The following STAU1 variants were observed in gnomAD, a reference collection of about 807,000 sequenced individuals.
STAU1 encodes the protein staufen double-stranded RNA binding protein 1, also known as double-stranded RNA-binding protein Staufen homolog 1.
A neutral mutation model predicts 62.9 loss-of-function variants in STAU1; 13 were observed. The observed-to-expected ratio is 0.21, with a 90% confidence interval of 0.13 to 0.33. The LOEUF (loss-of-function observed/expected upper bound fraction) is 0.33, where lower values mean the gene tolerates loss of function less well. STAU1 is among the 10% of genes least tolerant of loss of function. The probability of loss-of-function intolerance (pLI) is 1.00; values close to 1 mark genes in which losing one functional copy is unlikely to be tolerated. For missense variants in STAU1, 571 were observed against 712.1 expected (o/e 0.80, Z 2.25); for synonymous variants, 269 against 265.1 (o/e 1.01, Z -0.14).
At chr20:49,193,531 C>T in the STAU1 span, among the ~76,000 whole-genome samples, 1 of 151,992 alleles carries the variant, frequency 6.6e-6, no homozygotes, top group Non-Finnish European at 1.5e-5. Flanking sequence ...AGTAGCTGGG[C>T]GTGATGGTGC....
intron 2 of STAU1, among the ~76,000 whole-genome samples, chr20:49,173,571 G>C (rs1176929317): frequency 6.6e-6 from 1 of 152,016 alleles, no homozygotes; most frequent in African/African-American, 2.4e-5. Context: ...CTCAAAGTAG[G>C]TTAACTTGTC....
intron 3 of STAU1, among the ~76,000 whole-genome samples, chr20:49,164,434 G>A (rs2146371598): frequency 6.6e-6 from 1 of 151,334 alleles, no homozygotes; most frequent in South Asian, 2.1e-4. Context: ...TGGAGTAGCT[G>A]GGACCACAGC....
chr20:49,159,500 C>CA (rs888875735), intron 3 of STAU1, among the ~76,000 whole-genome samples: 4 of 152,000 alleles, frequency 2.6e-5, no homozygotes, highest in African/African-American at 7.2e-5. Flanking sequence ...TTAAGGTCTG[C>CA]AAAAAAATCC....
intron 5 of STAU1, among the ~76,000 whole-genome samples, chr20:49,145,471 G>A (rs1446714833): frequency 1.5e-5 from 2 of 133,752 alleles, no homozygotes; most frequent in Non-Finnish European, 3.1e-5. Flanking sequence ...GGTGGCTCAC[G>A]TCTGTAATCC....
intron 5 of STAU1, among the ~76,000 whole-genome samples, chr20:49,136,230 G>T (rs1237663082): frequency 6.6e-6 from 1 of 152,200 alleles, no homozygotes; most frequent in Non-Finnish European, 1.5e-5. Context: ...GAGCCCAGGA[G>T]ATCGAGGCTG....
At chr20:49,182,864 G>T (rs1024409714) in intron 1 of STAU1, among the ~76,000 whole-genome samples, 1 of 151,254 alleles carries the variant, frequency 6.6e-6, no homozygotes, top group Non-Finnish European at 1.5e-5. Flanking sequence ...AATAGTAGAC[G>T]GTGTTCAGCA....
chr20:49,151,324 G>A (rs1184151313), intron 5 of STAU1, among the ~76,000 whole-genome samples: 1 of 152,124 alleles, frequency 6.6e-6, no homozygotes, highest in Non-Finnish European at 1.5e-5. Context: ...TTTCTAACGT[G>A]TTCACACCGT....
chr20:49,132,104 A>C (rs1036141453), intron 6 of STAU1, among the ~76,000 whole-genome samples: 1 of 152,034 alleles, frequency 6.6e-6, no homozygotes. Flanking sequence ...GGCCAGGAGC[A>C]GAGGTGTGGG....
chr20:49,166,147 G>T lies in STAU1; in HGVS notation c.55C>A (p.Gln19Lys). 6.2e-7 allele frequency: 1 copy of T among 1,614,128 alleles called. No homozygotes were observed. The change falls in exon 3 of 14, where the codon CAA becomes AAA. Residue 19 changes from glutamine (Q) to lysine (K), a missense_variant. Physicochemically the swap from Gln to Lys is moderately conservative, Grantham distance 53 (BLOSUM62 1). Transcript: ENST00000371856. ...QNPSAALSGS[Q>K]ILNKNQSLLS... ...AGAGACTGGTTCTTGTTCAGTATTT[G>T]GCTCCCTGAGAGAGCAGCAGATGGG...
At chr20:49,193,930 A>G in the STAU1 span, among the ~76,000 whole-genome samples, 9 of 151,892 alleles carry the variant, frequency 5.9e-5, no homozygotes, top group South Asian at 1.5e-3. Flanking sequence ...GATCGCCACA[A>G]TGCACTCCAC....
In STAU1 at chr20:49,145,367, T is replaced by A. The variant is rs372149881; in HGVS notation, c.510+6215A>T. 4.9e-4 allele frequency among the ~76,000 whole-genome samples: 63 copies of A among 129,816 alleles called. 2 individuals carry two copies. In the South Asian group the frequency reaches 0.014, roughly 30 times the overall value. The allele number at this position is 129,816 out of a possible 152,430, so 85.2% of individuals were successfully genotyped here. On this transcript the variant is annotated intron_variant, in intron 5 of 13. Transcript: ENST00000371856. ...TGAAGCTGGGAGGCGGAGGTTGCAGTGAGCCGAGATTACACCACTGCACTC... is the reference window on the plus strand; with the variant it reads ...TGAAGCTGGGAGGCGGAGGTTGCAGAGAGCCGAGATTACACCACTGCACTC...
chr20:49,194,696 G>A, the STAU1 span, among the ~76,000 whole-genome samples: 39 of 151,904 alleles, frequency 2.6e-4, no homozygotes, highest in Non-Finnish European at 4.9e-4. Flanking sequence ...CTCGTGCCTC[G>A]GCAGCCCAAG....
At chr20:49,212,209 C>G in the STAU1 span, among the ~76,000 whole-genome samples, 9 of 152,252 alleles carry the variant, frequency 5.9e-5, no homozygotes, top group Non-Finnish European at 1.3e-4. Context: ...GGCTGGTCTC[C>G]AACTCCTGAG....
Position 49,166,010 on chromosome 20 carries a change from G to C in STAU1, c.192C>G (p.Thr64=). The change falls in exon 3 of 14, where the codon ACC becomes ACG. Residue 64 remains threonine (T), a synonymous_variant. Coordinates refer to ENST00000371856, the MANE Select transcript of STAU1 (RefSeq NM_017453.4). ...SALPSASITS[T]SAAAESITPT... ...TCATATGCTTACCTGCAGCTGCACT[G>C]GTGGATGTAATAGATGCAGAGGGTA... is the stretch of plus-strand genomic sequence containing the variant. 6.2e-7 allele frequency: 1 copy of C among 1,614,120 alleles called. No individual in the cohort carries two copies.
intron 3 of STAU1, among the ~76,000 whole-genome samples, chr20:49,157,993 T>C (rs917569469): frequency 3.9e-5 from 6 of 152,020 alleles, no homozygotes; most frequent in Admixed American, 1.3e-4. Context: ...AACAAATCAA[T>C]TGAAGCGGCC....
chr20:49,188,146 C>G lies in STAU1; in HGVS notation c.-190G>C, dbSNP rs1352913676. 6.6e-6 allele frequency: 1 copy of G among 151,322 alleles called. No individual in the cohort carries two copies. The highest frequency in any genetic ancestry group is 2.4e-5 in the African/African-American group (1 of 41,244). The allele number at this position is 151,322 out of a possible 1,614,324, so 9.4% of individuals were successfully genotyped here. A position where few individuals can be genotyped will look rare whatever the true frequency, so the allele number is the denominator to read the frequency against. On this transcript the variant is annotated 5_prime_UTR_variant, in exon 1 of 14. Transcript: ENST00000371856. ...TGCTGCTCCGAGCTCGTCCCCCGGCCGGCGGTCCTGGGCGGTGGCGGCGAG... is the reference window on the plus strand; with the variant it reads ...TGCTGCTCCGAGCTCGTCCCCCGGCGGGCGGTCCTGGGCGGTGGCGGCGAG...
chr20:49,132,780 C>A (rs58430974), intron 6 of STAU1, among the ~76,000 whole-genome samples: 1,796 of 141,006 alleles, frequency 0.013, 41 homozygotes, highest in African/African-American at 0.043. Context: ...CAAAACAAAA[C>A]AAAAGTCAAG....
At chr20:49,205,371 T>G in the STAU1 span, among the ~76,000 whole-genome samples, 1 of 150,082 alleles carries the variant, frequency 6.7e-6, no homozygotes, top group Admixed American at 6.7e-5. Context: ...CAGTTTTTTT[T>G]TTTTTTTTTT....
At chr20:49,168,800 T>C (rs1050925057) in intron 2 of STAU1, among the ~76,000 whole-genome samples, 4 of 152,150 alleles carry the variant, frequency 2.6e-5, no homozygotes, top group Admixed American at 6.5e-5. Context: ...AACCTACTGA[T>C]ATTTAGTGGA....
Sources: allele counts gnomAD v4.1 joint callset (sites outside exome capture counted in the v4.1 genomes callset), GRCh38; gene constraint gnomAD v4.1.1; transcripts MANE v1.5; gene names NCBI Gene and HGNC (gene_info 2026-07-23, HGNC 2026-07-21).